ITPKB: variants seen among roughly 807,000 people sequenced by gnomAD.
The protein encoded by ITPKB is IP3 3-kinase B.
In ITPKB, 13 loss-of-function variants were observed where a neutral mutation model predicts 69.4. The observed-to-expected ratio is 0.19, with a 90% confidence interval of 0.12 to 0.30. The LOEUF is 0.30. Among genes scored for constraint, ITPKB ranks in the 10% least tolerant of loss-of-function variants. The pLI is 1.00. For synonymous variants in ITPKB, 584 were observed against 513.7 expected (o/e 1.14, Z -1.85); for missense variants, 1,240 against 1,250.5 (o/e 0.99, Z 0.13).
intron 2 of ITPKB, among the ~76,000 whole-genome samples, chr1:226,697,547 ACT>A (rs1656518982): frequency 2.0e-5 from 3 of 152,146 alleles, no homozygotes; most frequent in Admixed American, 2.0e-4. Flanking sequence ...TGATTCTCCA[ACT>A]CTGCAAACAA....
At chr1:226,719,448 G>A (rs921723884) in intron 2 of ITPKB, among the ~76,000 whole-genome samples, 3 of 152,130 alleles carry the variant, frequency 2.0e-5, no homozygotes, top group African/African-American at 4.8e-5. Context: ...CTTGGTGACC[G>A]CAGCTGTGCT....
At chr1:226,702,957 G>A (rs1656703845) in intron 2 of ITPKB, among the ~76,000 whole-genome samples, 1 of 152,142 alleles carries the variant, frequency 6.6e-6, no homozygotes. Flanking sequence ...CCTATCGAGG[G>A]AAAATCTGAG....
At chr1:226,650,429 A>G (rs1275531971) in intron 2 of ITPKB, among the ~76,000 whole-genome samples, 1 of 152,260 alleles carries the variant, frequency 6.6e-6, no homozygotes, top group Admixed American at 6.5e-5. Flanking sequence ...TGTTTTTCCT[A>G]GATCCTTCTG....
chr1:226,656,138 C>A (rs917080823), intron 2 of ITPKB, among the ~76,000 whole-genome samples: 7 of 152,246 alleles, frequency 4.6e-5, no homozygotes, highest in African/African-American at 1.7e-4. Context: ...CCCAGGAAGC[C>A]TTCCATTGCC....
chr1:226,721,641 G>A lies in ITPKB; in HGVS notation c.1932+13886C>T, dbSNP rs555178938. 5.3e-5 allele frequency among the ~76,000 whole-genome samples: 8 copies of A among 151,618 alleles called. No homozygotes were observed. In the South Asian group the frequency reaches 1.0e-3, roughly 20 times the overall value. ...CTCCCAAGTAGCTGGGATTACAGGCGTACGCCACCACGCCTGGCTAATATT... is the reference window on the plus strand; with the variant it reads ...CTCCCAAGTAGCTGGGATTACAGGCATACGCCACCACGCCTGGCTAATATT... On this transcript the variant is annotated intron_variant, in intron 2 of 7. Coordinates refer to ENST00000429204, the MANE Select transcript of ITPKB (RefSeq NM_002221.4).
At chr1:226,718,665 G>T (rs1233763323) in intron 2 of ITPKB, among the ~76,000 whole-genome samples, 2 of 152,124 alleles carry the variant, frequency 1.3e-5, no homozygotes, top group Admixed American at 6.5e-5. Context: ...TTGCATACCT[G>T]CATACCTACC....
intron 2 of ITPKB, among the ~76,000 whole-genome samples, chr1:226,656,459 C>T (rs1157547321): frequency 6.6e-6 from 1 of 152,200 alleles, no homozygotes; most frequent in African/African-American, 2.4e-5. Context: ...CTCCCGGAAG[C>T]CACAGCTGTG....
At chr1:226,644,831 G>T (rs942657058) in intron 4 of ITPKB, among the ~76,000 whole-genome samples, 2 of 152,214 alleles carry the variant, frequency 1.3e-5, no homozygotes, top group Non-Finnish European at 2.9e-5. Flanking sequence ...AGGTGACCAT[G>T]AGCAGCCAGT....
Position 226,634,575 on chromosome 1 carries a change from C to T in ITPKB, c.*96G>A, listed in dbSNP as rs1346342567. The T allele has an allele frequency of 3.0e-6, 2 of 658,566 alleles. No individual in the cohort carries two copies. The highest frequency in any genetic ancestry group is 5.6e-6 in the Non-Finnish European group (2 of 354,320). 40.8% of individuals were successfully genotyped at this position (658,566 alleles called of 1,614,324 possible). On this transcript the variant is annotated 3_prime_UTR_variant, in exon 8 of 8. Coordinates refer to ENST00000429204, the MANE Select transcript of ITPKB (RefSeq NM_002221.4). The surrounding 1 kb of genome is among the most constrained non-coding windows in gnomAD (Gnocchi z 6.3). ...GTCTTGTAGTGCAGTTCAGGAGGGT[C>T]AGTCAGGTGTAAGTGAAGGAAAAGT...
Position 226,707,798 on chromosome 1 carries a change from G to A in ITPKB, c.1932+27729C>T, listed in dbSNP as rs1259874844. The A allele has an allele frequency of 5.5e-6, 6 of 1,094,882 alleles. No homozygotes were observed. The Admixed American group carries it at 1.8e-4, about 34-fold the overall frequency. 67.8% of individuals were successfully genotyped at this position (1,094,882 alleles called of 1,614,324 possible). On this transcript the variant is annotated intron_variant, in intron 2 of 7. Coordinates refer to ENST00000429204, the MANE Select transcript of ITPKB (RefSeq NM_002221.4). ...GCACTTAGACTTTACAGATGACCCCGTAATTGGCTCAGTCTTTCCAGAGAG... is the reference window on the plus strand; with the variant it reads ...GCACTTAGACTTTACAGATGACCCCATAATTGGCTCAGTCTTTCCAGAGAG...
At chr1:226,672,003 C>T (rs1669627646) in intron 2 of ITPKB, among the ~76,000 whole-genome samples, 1 of 152,170 alleles carries the variant, frequency 6.6e-6, no homozygotes, top group African/African-American at 2.4e-5. Flanking sequence ...TTCTAAAAGG[C>T]TCACGCTGCT....
rs1453137320 is a variant in ITPKB, at chr1:226,633,818, G to A, written c.*853C>T. On this transcript the variant is annotated 3_prime_UTR_variant, in exon 8 of 8. Transcript: ENST00000429204. Reference sequence around the variant, plus strand: ...CAGGTAGGTGAGGGTCAAGAAAAATGTGCTCCTCCCTGGGGCCAGGGCCCA... The same window carrying A: ...CAGGTAGGTGAGGGTCAAGAAAAATATGCTCCTCCCTGGGGCCAGGGCCCA... The A allele has an allele frequency of 6.6e-6, 1 of 152,276 alleles. No homozygotes were observed. Among genetic ancestry groups the A allele is most frequent in the African/African-American group, 2.4e-5 (1 of 41,460 alleles). The allele number at this position is 152,276 out of a possible 1,614,324, so 9.4% of individuals were successfully genotyped here.
chr1:226,646,059 C>T (rs192790947), intron 4 of ITPKB, among the ~76,000 whole-genome samples: 269 of 152,316 alleles, frequency 1.8e-3, no homozygotes, highest in Middle Eastern at 3.4e-3. Flanking sequence ...ACACACACAC[C>T]CCTCTTTCTC....
At chr1:226,725,689 C>T (rs1377933191) in intron 2 of ITPKB, among the ~76,000 whole-genome samples, 1 of 152,198 alleles carries the variant, frequency 6.6e-6, no homozygotes, top group Non-Finnish European at 1.5e-5. Context: ...TCACTCCAGC[C>T]TTCCCTGGTG....
At chr1:226,656,275 G>A (rs1669285455) in intron 2 of ITPKB, among the ~76,000 whole-genome samples, 1 of 152,176 alleles carries the variant, frequency 6.6e-6, no homozygotes, top group South Asian at 2.1e-4. Context: ...CTGAGTGCCT[G>A]GCTGGGCAGG....
intron 3 of ITPKB, among the ~76,000 whole-genome samples, chr1:226,648,320 C>A (rs1419678441): frequency 3.3e-5 from 5 of 152,126 alleles, no homozygotes; most frequent in Non-Finnish European, 2.9e-5. Context: ...TCCAGGGTGA[C>A]AAATGGCAGG....
Position 226,736,476 on chromosome 1 carries a change from C to G in ITPKB, c.983G>C (p.Gly328Ala), listed in dbSNP as rs756373333. Residue 328 changes from glycine (G) to alanine (A), a missense_variant, in exon 2 of 8, where the codon GGG (glycine) becomes GCG (alanine). Gly to Ala is a moderately conservative substitution (Grantham distance 60, BLOSUM62 0). This residue lies in a region of ITPKB where 992 missense variants were observed against 853.8 expected (regional missense o/e 1.16). Coordinates refer to ENST00000429204, the MANE Select transcript of ITPKB (RefSeq NM_002221.4). ...PQDLALTEPSGRARELEDLQP... is the reference protein window; with the variant it reads ...PQDLALTEPSARARELEDLQP... Reference sequence around the variant, plus strand: ...CAGGTCCTCAAGCTCACGGGCTCTCCCAGACGGCTCAGTGAGGGCAAGATC... The same window carrying G: ...CAGGTCCTCAAGCTCACGGGCTCTCGCAGACGGCTCAGTGAGGGCAAGATC... 1.1e-5 allele frequency: 17 copies of G among 1,613,924 alleles called. No individual in the cohort carries two copies. Among genetic ancestry groups the G allele is most frequent in the Non-Finnish European group, 1.4e-5 (16 of 1,180,044 alleles).
chr1:226,679,677 A>G (rs768746862), intron 2 of ITPKB, among the ~76,000 whole-genome samples: 1 of 152,246 alleles, frequency 6.6e-6, no homozygotes, highest in Admixed American at 6.5e-5. Flanking sequence ...GCAGAAATAA[A>G]AGCAGTATTT....
intron 2 of ITPKB, among the ~76,000 whole-genome samples, chr1:226,652,424 C>A (rs1001154869): frequency 4.6e-5 from 7 of 152,158 alleles, no homozygotes; most frequent in Non-Finnish European, 1.0e-4. Flanking sequence ...GGCCTCATCC[C>A]CCAGATAAGA....
Sources: gnomAD v4.1 joint callset for allele counts (sites outside exome capture counted in the v4.1 genomes callset) on GRCh38, gnomAD v4.1.1 for gene constraint, gnomAD v4.1.1 regional missense constraint, Gnocchi (gnomAD v3.1) non-coding constraint, MANE v1.5 for transcripts, NCBI Gene and HGNC (gene_info 2026-07-23, HGNC 2026-07-21) for gene names.